The following CDS2 variants were observed in gnomAD, a reference collection of about 807,000 sequenced individuals.
The protein encoded by CDS2 is CDP-diacylglycerol synthase 2, also known as phosphatidate cytidylyltransferase 2.
CDS2 carries 47 observed loss-of-function variants against 59.0 expected under a neutral mutation model. The ratio of observed to expected loss-of-function variants is 0.80; its 90% confidence interval spans 0.63 to 1.02. CDS2 has a LOEUF of 1.02. Among genes scored for constraint, CDS2 ranks in the 50% least tolerant of loss-of-function variants. The probability of loss-of-function intolerance (pLI) is 0.00; values close to 1 mark genes in which losing one functional copy is unlikely to be tolerated. For missense variants in CDS2, 356 were observed against 558.9 expected (o/e 0.64, Z 3.66); for synonymous variants, 207 against 206.4 (o/e 1.00, Z -0.02).
At position 5,191,541 on chromosome 20, in the gene CDS2, C is replaced by T. The variant is rs1417980433; in HGVS notation, c.*1307C>T. The T allele has an allele frequency of 2.0e-5, 3 of 152,126 alleles. No homozygotes were observed. Among genetic ancestry groups the T allele is most frequent in the Non-Finnish European group, 2.9e-5 (2 of 68,038 alleles). The allele number at this position is 152,126 out of a possible 1,614,324, so 9.4% of individuals were successfully genotyped here. Reference sequence around the variant, plus strand: ...GGCACCCAAATATATCAAACTATTCCGTGCCGTGGATGTTTTCATTGCCAA... The same window carrying T: ...GGCACCCAAATATATCAAACTATTCTGTGCCGTGGATGTTTTCATTGCCAA... On this transcript the variant is annotated 3_prime_UTR_variant, in exon 13 of 13. Transcript: ENST00000460006.
chr20:5,175,151 G>C (rs2090985245), intron 2 of CDS2, 32 bp from the exon 3 acceptor site: 1 of 1,522,090 alleles, frequency 6.6e-7, no homozygotes, highest in Non-Finnish European at 9.1e-7. Context: ...CTCCTAACTG[G>C]TGTTTTCTCC....
chr20:5,190,032 C>T, intron 12 of CDS2, 70 bp from the exon 13 acceptor site: 2 of 1,569,056 alleles, frequency 1.3e-6, no homozygotes, highest in Non-Finnish European at 1.7e-6. Context: ...TCAGAGCAGC[C>T]ACTCAGATAA....
chr20:5,173,599 C>T lies in CDS2; in HGVS notation c.134C>T (p.Pro45Leu). Residue 45 changes from proline to leucine, a missense_variant, in exon 2 of 13, where the codon CCA (proline) becomes CTA (leucine). By Grantham distance (98) the Pro-to-Leu change is moderately conservative. This residue lies in a region of CDS2 where 107 missense variants were observed against 129.7 expected (regional missense o/e 0.82). Coordinates refer to ENST00000460006, the MANE Select transcript of CDS2 (RefSeq NM_003818.4). ...SESRAESAPLPVSADDTPEVL... is the reference protein window; with the variant it reads ...SESRAESAPLLVSADDTPEVL... ...AGCCGGGCAGAATCCGCACCCCTGC[C>T]AGTCTCTGCAGATGATACCCCGGAG... 1 of 1,614,222 alleles carries T rather than the reference C, an allele frequency of 6.2e-7. No homozygotes were observed.
Position 5,183,139 on chromosome 20 carries a change from A to G in CDS2, c.667A>G (p.Ile223Val), listed in dbSNP as rs1168313633. ...LVIHNLFEGM[I>V]WFIVPISCVI... ...TATCCACAACCTATTTGAAGGAATG[A>G]TCTGGTGAGAATTGGGAGTTGGATT... is the stretch of plus-strand genomic sequence containing the variant. Residue 223 changes from isoleucine (I) to valine (V), a missense_variant, in exon 7 of 13, where the codon ATC becomes GTC. Coordinates refer to ENST00000460006, the MANE Select transcript of CDS2 (RefSeq NM_003818.4). 2.0e-5 allele frequency: 32 copies of G among 1,613,220 alleles called. No homozygotes were observed. Among genetic ancestry groups the G allele is most frequent in the Non-Finnish European group, 2.5e-5 (30 of 1,179,332 alleles).
rs375428807 is a variant in CDS2, at chr20:5,182,237, G to A, written c.530-150G>A. 133 of 494,616 alleles carry A rather than the reference G, an allele frequency of 2.7e-4. No individual in the cohort carries two copies. In the South Asian group the frequency reaches 3.6e-3, roughly 13 times the overall value. 30.6% of individuals were successfully genotyped at this position (494,616 alleles called of 1,614,324 possible). ...TTTTTCCTTGTGACTGTTTATCTGG[G>A]TAATGTTTTTCTCCCCTGGGCTTTG... On this transcript the variant is annotated intron_variant, in intron 5 of 12. Coordinates refer to ENST00000460006, the MANE Select transcript of CDS2 (RefSeq NM_003818.4).
chr20:5,175,868 C>T (rs950528315), intron 3 of CDS2, among the ~76,000 whole-genome samples: 1 of 152,152 alleles, frequency 6.6e-6, no homozygotes, highest in Non-Finnish European at 1.5e-5. Flanking sequence ...CTATATGACT[C>T]CTGGTTTCGT....
intron 8 of CDS2, among the ~76,000 whole-genome samples, chr20:5,185,471 G>A (rs2091060646): frequency 6.6e-6 from 1 of 152,072 alleles, no homozygotes; most frequent in Non-Finnish European, 1.5e-5. Context: ...AATCTTTTTT[G>A]GGGACACATT....
intron 9 of CDS2, 64 bp from the exon 10 acceptor site, chr20:5,186,623 C>T (rs535812120): frequency 6.4e-7 from 1 of 1,573,960 alleles, no homozygotes; most frequent in East Asian, 2.2e-5. Context: ...AAACCAGGTG[C>T]CTGTGTCTGG....
At chr20:5,132,386 C>T (rs1229245933) in intron 1 of CDS2, among the ~76,000 whole-genome samples, 1 of 152,206 alleles carries the variant, frequency 6.6e-6, no homozygotes, top group Non-Finnish European at 1.5e-5. Flanking sequence ...GCGTGAGCCA[C>T]CGCGCCCGGC....
rs2091139020 is a variant in CDS2, at chr20:5,194,131, G to A, written c.*3897G>A. On this transcript the variant is annotated 3_prime_UTR_variant, in exon 13 of 13. Transcript: ENST00000460006. ...AACAAACTCTGGCCTGAAGATGATG[G>A]CTAATACTCAGGCAGAGCCCCGTAT... is the stretch of plus-strand genomic sequence containing the variant. The A allele has an allele frequency of 6.6e-6, 1 of 152,218 alleles. No individual in the cohort carries two copies. Among genetic ancestry groups the A allele is most frequent in the Admixed American group, 6.5e-5 (1 of 15,288 alleles). The allele number at this position is 152,218 out of a possible 1,614,324, so 9.4% of individuals were successfully genotyped here.
chr20:5,143,611 TTTCTTC>T (rs573730329), intron 1 of CDS2, among the ~76,000 whole-genome samples: 2 of 150,834 alleles, frequency 1.3e-5, no homozygotes, highest in African/African-American at 4.9e-5. Context: ...TCTTTTTCTT[TTTCTTC>T]TTCTTCTTCT....
rs1362314931 is a variant in CDS2, at chr20:5,186,777, T to C, written c.919T>C (p.Ser307Pro). 1 of 1,614,170 alleles carries C rather than the reference T, an allele frequency of 6.2e-7. No homozygotes were observed. Among genetic ancestry groups the C allele is most frequent in the Non-Finnish European group, 8.5e-7 (1 of 1,180,022 alleles). The change falls in exon 10 of 13, where the codon TCG becomes CCG. Residue 307 changes from serine (S) to proline (P), a missense_variant. Coordinates refer to ENST00000460006, the MANE Select transcript of CDS2 (RefSeq NM_003818.4). ...TNSFTVDCEPSDLFRLQEYNI... is the reference protein window; with the variant it reads ...TNSFTVDCEPPDLFRLQEYNI... Reference sequence around the variant, plus strand: ...CAGCTTCACTGTGGACTGTGAGCCCTCGGACCTGTTTCGCCTGCAGGAGTA... The same window carrying C: ...CAGCTTCACTGTGGACTGTGAGCCCCCGGACCTGTTTCGCCTGCAGGAGTA...
At chr20:5,148,194 C>A (rs1385053920) in intron 1 of CDS2, among the ~76,000 whole-genome samples, 1 of 152,158 alleles carries the variant, frequency 6.6e-6, no homozygotes, top group Non-Finnish European at 1.5e-5. Context: ...GCCATTGCAA[C>A]AGAAATATCT....
intron 5 of CDS2, among the ~76,000 whole-genome samples, chr20:5,181,425 T>C (rs970298371): frequency 2.0e-5 from 3 of 152,208 alleles, no homozygotes; most frequent in South Asian, 2.1e-4. Flanking sequence ...GAGAGTGTTA[T>C]TGGATCTCAT....
At chr20:5,172,244 G>A (rs138604181) in intron 1 of CDS2, among the ~76,000 whole-genome samples, 85 of 152,294 alleles carry the variant, frequency 5.6e-4, no homozygotes, top group African/African-American at 1.8e-3. Flanking sequence ...AAAAGTCCCC[G>A]TTGTGGTCAG....
At chr20:5,134,441 TAATC>T (rs2085931685) in intron 1 of CDS2, among the ~76,000 whole-genome samples, 1 of 152,244 alleles carries the variant, frequency 6.6e-6, no homozygotes, top group Non-Finnish European at 1.5e-5. Flanking sequence ...TGACTCCACA[TAATC>T]AATTTTTTCC....
At chr20:5,137,868 G>A (rs372741393) in intron 1 of CDS2, among the ~76,000 whole-genome samples, 22 of 151,380 alleles carry the variant, frequency 1.5e-4, no homozygotes, top group Admixed American at 5.9e-4. Flanking sequence ...GCACGATCTC[G>A]GCTCACTCCA....
At chr20:5,182,846 C>T (rs1256833222) in intron 6 of CDS2, among the ~76,000 whole-genome samples, 3 of 152,208 alleles carry the variant, frequency 2.0e-5, no homozygotes, top group Non-Finnish European at 4.4e-5. Flanking sequence ...CCCAGGCTTT[C>T]AGAGCATGGG....
rs181062366 is a variant in CDS2, at chr20:5,170,513, C to A, written c.58-3010C>A. ...TTTGGCGTCCACAGGACATCAGGAG[C>A]CAGGTGGCTGGCTGACCTGTCCCCC... On this transcript the variant is annotated intron_variant, in intron 1 of 12. Coordinates refer to ENST00000460006, the MANE Select transcript of CDS2 (RefSeq NM_003818.4). Among the ~76,000 whole-genome samples, 1,294 of 152,388 alleles carry A rather than the reference C, an allele frequency of 8.5e-3. 6 individuals are homozygous for A. The highest frequency in any genetic ancestry group is 0.024 in the Middle Eastern group (7 of 294).
Sources: gnomAD v4.1 joint callset for allele counts (sites outside exome capture counted in the v4.1 genomes callset) on GRCh38, gnomAD v4.1.1 for gene constraint, gnomAD v4.1.1 regional missense constraint, MANE v1.5 for transcripts, NCBI Gene and HGNC (gene_info 2026-07-23, HGNC 2026-07-21) for gene names.